The following JAM2 variants were observed in gnomAD, a reference collection of about 807,000 sequenced individuals.
JAM2 encodes the protein junctional adhesion molecule B.
A neutral mutation model predicts 42.0 loss-of-function variants in JAM2; 17 were observed. The observed-to-expected ratio is 0.40, with a 90% CI of 0.28 to 0.61. The LOEUF is 0.61. Among genes scored for constraint, JAM2 ranks in the 20% least tolerant of loss-of-function variants. The pLI, the probability that JAM2 is intolerant of heterozygous loss-of-function variation, is 0.37. For synonymous variants in JAM2, 118 were observed against 128.6 expected, an observed-to-expected ratio of 0.92 and a Z score of 0.56; for missense variants, 319 against 358.3, an observed-to-expected ratio of 0.89 and a Z score of 0.89.
At chr21:25,688,313 C>A (rs199615857) in intron 2 of JAM2, among the ~76,000 whole-genome samples, 1 of 151,702 alleles carries the variant, frequency 6.6e-6, no homozygotes, top group Non-Finnish European at 1.5e-5. Flanking sequence ...CACACACATG[C>A]GTATCTAAAT....
At chr21:25,690,884 T>C (rs1218328281) in intron 3 of JAM2, among the ~76,000 whole-genome samples, 2 of 152,220 alleles carry the variant, frequency 1.3e-5, no homozygotes, top group East Asian at 3.8e-4. Flanking sequence ...ACTCTTGCCA[T>C]TGAATATGTG....
chr21:25,684,649 C>G (rs1186766557), intron 2 of JAM2, among the ~76,000 whole-genome samples: 3 of 152,262 alleles, frequency 2.0e-5, no homozygotes, highest in Non-Finnish European at 4.4e-5. Context: ...GTCACCCACA[C>G]TGGAGTGCAG....
At chr21:25,707,915 G>C (rs2034304870) in intron 7 of JAM2, among the ~76,000 whole-genome samples, 1 of 151,934 alleles carries the variant, frequency 6.6e-6, no homozygotes, top group South Asian at 2.1e-4. Flanking sequence ...TGTGATCAAG[G>C]CTCACTGCAG....
At chr21:25,679,151 C>T (rs73161740) in intron 1 of JAM2, among the ~76,000 whole-genome samples, 11,586 of 152,238 alleles carry the variant, frequency 0.076, 662 homozygotes, top group East Asian at 0.29. Flanking sequence ...ATAGCGTGTG[C>T]TCCTTAAGAG....
At chr21:25,666,532 C>T (rs1375520177) in intron 1 of JAM2, among the ~76,000 whole-genome samples, 1 of 151,890 alleles carries the variant, frequency 6.6e-6, no homozygotes, top group Non-Finnish European at 1.5e-5. Flanking sequence ...GCCATGTTGG[C>T]CAGGCTATTT....
chr21:25,706,906 A>AT (rs1177802577), intron 7 of JAM2, among the ~76,000 whole-genome samples: 6 of 151,902 alleles, frequency 3.9e-5, no homozygotes, highest in South Asian at 2.1e-4. Context: ...CGCCCGGCTA[A>AT]TTTTTGTATT....
intron 1 of JAM2, among the ~76,000 whole-genome samples, chr21:25,674,925 C>A (rs1601019909): frequency 6.6e-6 from 1 of 151,930 alleles, no homozygotes; most frequent in African/African-American, 2.4e-5. Context: ...AATGCCAACC[C>A]TGTGCAACTT....
intron 1 of JAM2, among the ~76,000 whole-genome samples, chr21:25,640,309 G>C (rs923121486): frequency 1.3e-5 from 2 of 152,236 alleles, no homozygotes; most frequent in Non-Finnish European, 2.9e-5. Flanking sequence ...TCCCCGGGGA[G>C]GGGGCAGCGT....
At chr21:25,688,939 A>C (rs1319675576) in intron 2 of JAM2, among the ~76,000 whole-genome samples, 1 of 152,194 alleles carries the variant, frequency 6.6e-6, no homozygotes, top group African/African-American at 2.4e-5. Flanking sequence ...CTGGTTAAAA[A>C]AATACTTTTA....
At chr21:25,711,295 A>G (rs1372135752) in intron 8 of JAM2, 3 of 365,502 alleles carry the variant, frequency 8.2e-6, no homozygotes, top group Non-Finnish European at 1.6e-5. Context: ...GGTACATGAA[A>G]TATGGGTGAG....
intron 1 of JAM2, among the ~76,000 whole-genome samples, chr21:25,664,504 G>A (rs551345733): frequency 1.3e-5 from 2 of 152,126 alleles, no homozygotes; most frequent in East Asian, 3.9e-4. Context: ...AAAGTGCTGG[G>A]ATTACAGGCG....
At chr21:25,708,776 GGAGT>G (rs1357593149) in intron 7 of JAM2, among the ~76,000 whole-genome samples, 2 of 151,806 alleles carry the variant, frequency 1.3e-5, no homozygotes, top group Non-Finnish European at 2.9e-5. Context: ...TTTTTAATGA[GGAGT>G]TAGTAAAAAA....
intron 1 of JAM2, among the ~76,000 whole-genome samples, chr21:25,666,798 G>C (rs185466967): frequency 6.6e-6 from 1 of 152,262 alleles, no homozygotes; most frequent in East Asian, 1.9e-4. Flanking sequence ...CTCAAATGCT[G>C]GGATTACAGG....
chr21:25,683,646 T>C (rs1291414380), intron 1 of JAM2, among the ~76,000 whole-genome samples: 3 of 152,146 alleles, frequency 2.0e-5, no homozygotes, highest in Non-Finnish European at 2.9e-5. Context: ...GGGGTCCAAA[T>C]AGATGCATGG....
intron 5 of JAM2, among the ~76,000 whole-genome samples, chr21:25,700,168 A>G (rs2034135847): frequency 6.6e-6 from 1 of 152,150 alleles, no homozygotes; most frequent in Non-Finnish European, 1.5e-5. Context: ...TTACTTTTTC[A>G]TCTTTGATTA....
chr21:25,672,150 G>C (rs1054071503), intron 1 of JAM2, among the ~76,000 whole-genome samples: 1 of 150,558 alleles, frequency 6.6e-6, no homozygotes, highest in African/African-American at 2.4e-5. Flanking sequence ...GGGTCTTGCT[G>C]TGTTGCCCAA....
intron 3 of JAM2, 149 bp downstream of exon 3, chr21:25,690,122 A>G (rs2033845150): frequency 3.3e-6 from 2 of 604,160 alleles, no homozygotes; most frequent in Non-Finnish European, 5.9e-6. Flanking sequence ...CTGAGACATA[A>G]AACACAATAG....
rs375434828 is a variant in JAM2 at position 25,665,047 on chromosome 21, A to G, written c.68-18836A>G. ...AACATAGATTGAAGAGAAAAGTTCT[A>G]TGGGTTGTCTAGAGTGTTGCCTAGG... On this transcript the variant is annotated intron_variant, in intron 1 of 9. Coordinates refer to ENST00000480456, the MANE Select transcript of JAM2 (RefSeq NM_021219.4). Among the ~76,000 whole-genome samples the G allele has an allele frequency of 2.6e-5, 4 of 152,248 alleles. No individual in the cohort carries two copies. The East Asian group carries it at 7.7e-4, about 29-fold the overall frequency.
intron 1 of JAM2, among the ~76,000 whole-genome samples, chr21:25,653,856 T>C (rs1053448078): frequency 1.3e-5 from 2 of 152,194 alleles, no homozygotes; most frequent in African/African-American, 4.8e-5. Flanking sequence ...ACCTAAAAAG[T>C]CTTTCTTTAG....
Sources: allele counts gnomAD v4.1 joint callset (sites outside exome capture counted in the v4.1 genomes callset), GRCh38; gene constraint gnomAD v4.1.1; transcripts MANE v1.5; gene names NCBI Gene and HGNC (gene_info 2026-07-23, HGNC 2026-07-21).